The following C12orf54 variants were observed in gnomAD, a reference collection of about 807,000 sequenced individuals.
The protein encoded by C12orf54 is uncharacterized protein C12orf54.
A neutral mutation model predicts 26.4 loss-of-function variants in C12orf54; 24 were observed. The observed-to-expected ratio is 0.91, with a 90% CI of 0.66 to 1.28. The LOEUF (loss-of-function observed/expected upper bound fraction) is 1.28, where lower values mean the gene tolerates loss of function less well. C12orf54 is among the 50% of genes most tolerant of loss of function. C12orf54 has a pLI of 0.00. For synonymous variants in C12orf54, 54 were observed against 47.0 expected (o/e 1.15, Z -0.61); for missense variants, 154 against 150.9 (o/e 1.02, Z -0.11).
chr12:48,480,034 T>G (rs1040287296), upstream of C12orf54, among the ~76,000 whole-genome samples: 1 of 152,114 alleles, frequency 6.6e-6, no homozygotes, highest in African/African-American at 2.4e-5. Context: ...ACACTAGGTT[T>G]GGATACTTTC....
At chr12:48,419,349 T>C in the C12orf54 span, among the ~76,000 whole-genome samples, 3 of 152,198 alleles carry the variant, frequency 2.0e-5, no homozygotes, top group Admixed American at 6.5e-5. Flanking sequence ...ATCTCAATTT[T>C]TCCAGTCATA....
upstream of C12orf54, among the ~76,000 whole-genome samples, chr12:48,481,814 C>T (rs918447927): frequency 3.3e-5 from 5 of 152,178 alleles, no homozygotes; most frequent in African/African-American, 1.2e-4. Context: ...TCCCACTTCA[C>T]CACGACCTCC....
the C12orf54 span, among the ~76,000 whole-genome samples, chr12:48,431,745 T>G: frequency 0.014 from 2,179 of 152,278 alleles, 73 homozygotes; most frequent in East Asian, 0.14. Flanking sequence ...GATATCAGTA[T>G]TGGATGTCTA....
chr12:48,451,481 G>C, the C12orf54 span, among the ~76,000 whole-genome samples: 50 of 152,248 alleles, frequency 3.3e-4, no homozygotes, highest in African/African-American at 1.1e-3. Flanking sequence ...AGTATTAGAA[G>C]TTCTGGCCAG....
chr12:48,439,394 C>T, the C12orf54 span, among the ~76,000 whole-genome samples: 1 of 152,190 alleles, frequency 6.6e-6, no homozygotes, highest in Admixed American at 6.5e-5. Flanking sequence ...CATCTCATTA[C>T]TGGGTATATA....
At chr12:48,490,334 A>T (rs1026010828) in intron 5 of C12orf54, among the ~76,000 whole-genome samples, 5 of 152,232 alleles carry the variant, frequency 3.3e-5, no homozygotes, top group Admixed American at 3.3e-4. Context: ...CAAAAACAAT[A>T]CAAACTGTGC....
chr12:48,425,835 C>T, the C12orf54 span, among the ~76,000 whole-genome samples: 1 of 151,616 alleles, frequency 6.6e-6, no homozygotes, highest in South Asian at 2.1e-4. Flanking sequence ...ATCAGTAATA[C>T]TGAGCTTTTT....
chr12:48,455,725 G>A, the C12orf54 span, among the ~76,000 whole-genome samples: 1 of 152,160 alleles, frequency 6.6e-6, no homozygotes, highest in Non-Finnish European at 1.5e-5. Context: ...TAGAGAACAG[G>A]CAGAGATACC....
intron 2 of C12orf54, among the ~76,000 whole-genome samples, chr12:48,484,109 C>T (rs1592198800): frequency 2.6e-5 from 4 of 152,272 alleles, no homozygotes; most frequent in African/African-American, 7.2e-5. Context: ...GCAGGAGAAT[C>T]GCTTGAACCT....
chr12:48,486,342 G>A (rs1592200219), intron 3 of C12orf54, 134 bp downstream of exon 3: 2 of 851,180 alleles, frequency 2.3e-6, no homozygotes, highest in East Asian at 5.1e-5. Context: ...TTGACTGGCT[G>A]GTGGAGTGGG....
At chr12:48,454,991 T>A in the C12orf54 span, among the ~76,000 whole-genome samples, 16 of 152,242 alleles carry the variant, frequency 1.1e-4, no homozygotes, top group Non-Finnish European at 2.9e-5. Context: ...AGGGTACCTG[T>A]GCAGGTTTGT....
At chr12:48,434,453 C>A in the C12orf54 span, among the ~76,000 whole-genome samples, 1 of 152,204 alleles carries the variant, frequency 6.6e-6, no homozygotes, top group African/African-American at 2.4e-5. Context: ...TGAGAATGGG[C>A]AGACTGCCTC....
At chr12:48,469,886 C>G in the C12orf54 span, among the ~76,000 whole-genome samples, 4 of 152,252 alleles carry the variant, frequency 2.6e-5, no homozygotes, top group African/African-American at 7.2e-5. Context: ...ATCTGTCATT[C>G]CCATGTTTAT....
At chr12:48,461,815 T>C in the C12orf54 span, among the ~76,000 whole-genome samples, 12 of 151,852 alleles carry the variant, frequency 7.9e-5, no homozygotes, top group Non-Finnish European at 1.2e-4. Flanking sequence ...TCAGTGCTTC[T>C]ACTGTAAGAA....
chr12:48,486,229 C>A (rs768630882), intron 3 of C12orf54, 21 bp downstream of exon 3: 59 of 1,600,342 alleles, frequency 3.7e-5, no homozygotes, highest in Non-Finnish European at 5.1e-5. Context: ...TATCCAAATT[C>A]TCTGGATCCT....
At chr12:48,479,828 G>C (rs2137081245), upstream of C12orf54, among the ~76,000 whole-genome samples, 1 of 152,030 alleles carries the variant, frequency 6.6e-6, no homozygotes, top group East Asian at 1.9e-4. Context: ...GCCAAACTTT[G>C]AGTTTCATGT....
chr12:48,474,046 T>G, the C12orf54 span, among the ~76,000 whole-genome samples: 1 of 152,150 alleles, frequency 6.6e-6, no homozygotes, highest in African/African-American at 2.4e-5. Flanking sequence ...GCCAGAGAGC[T>G]GAAAATGGCA....
At chr12:48,494,749 G>C (rs754044791) in intron 7 of C12orf54, 49 bp from the exon 8 acceptor site, 1 of 1,585,398 alleles carries the variant, frequency 6.3e-7, no homozygotes, top group Non-Finnish European at 8.7e-7. Flanking sequence ...GAACTGAAAG[G>C]GTAAGATCTC....
At chr12:48,429,679 T>C in the C12orf54 span, among the ~76,000 whole-genome samples, 1 of 151,564 alleles carries the variant, frequency 6.6e-6, no homozygotes, top group African/African-American at 2.4e-5. Context: ...CACAAACAAA[T>C]GGAAACACAT....
Sources: allele counts gnomAD v4.1 joint callset (sites outside exome capture counted in the v4.1 genomes callset), GRCh38; gene constraint gnomAD v4.1.1; transcripts MANE v1.5; gene names NCBI Gene and HGNC (gene_info 2026-07-23, HGNC 2026-07-21).